The following OVCH1 variants were observed in gnomAD, a reference collection of about 807,000 sequenced individuals.
OVCH1 encodes ovochymase 1, also known as ovochymase-1.
A neutral mutation model predicts 138.4 loss-of-function variants in OVCH1; 139 were observed. That is an observed-to-expected ratio of 1.00 (90% CI 0.87 to 1.16). The LOEUF (loss-of-function observed/expected upper bound fraction) is 1.16, where lower values mean the gene tolerates loss of function less well. Among genes scored for constraint, OVCH1 ranks in the 50% most tolerant of loss-of-function variants. The pLI is 0.00. For missense variants in OVCH1, 1,367 were observed against 1,357.9 expected (o/e 1.01, Z -0.11); for synonymous variants, 453 against 467.8 (o/e 0.97, Z 0.41).
chr12:29,472,409 G>A (rs1033891882), intron 15 of OVCH1, among the ~76,000 whole-genome samples: 1 of 152,156 alleles, frequency 6.6e-6, no homozygotes, highest in Non-Finnish European at 1.5e-5. Flanking sequence ...TGTTCTCACT[G>A]TATGAATCCA....
chr12:29,453,618 A>G (rs886891863), intron 21 of OVCH1, among the ~76,000 whole-genome samples: 1 of 151,954 alleles, frequency 6.6e-6, no homozygotes, highest in Non-Finnish European at 1.5e-5. Context: ...TAATTTATCT[A>G]TCCTACCTTA....
the OVCH1 span, among the ~76,000 whole-genome samples, chr12:29,403,885 T>C: frequency 6.6e-6 from 1 of 152,188 alleles, no homozygotes; most frequent in East Asian, 1.9e-4. Context: ...AACAGTACAA[T>C]TGTATATAAT....
At chr12:29,426,776 C>T (rs1054223402), downstream of OVCH1, among the ~76,000 whole-genome samples, 3 of 152,202 alleles carry the variant, frequency 2.0e-5, no homozygotes, top group African/African-American at 7.2e-5. Flanking sequence ...TCTAAAGCAA[C>T]ATCATCTATT....
chr12:29,487,618 T>C (rs1211897371), intron 7 of OVCH1, 75 bp downstream of exon 7: 1 of 1,373,118 alleles, frequency 7.3e-7, no homozygotes, highest in African/African-American at 1.5e-5. Context: ...TAAAGCTTAG[T>C]TCTGATAATA....
chr12:29,422,892 G>A (rs73069508), downstream of OVCH1, among the ~76,000 whole-genome samples: 914 of 152,162 alleles, frequency 6.0e-3, 9 homozygotes, highest in Middle Eastern at 0.034. Context: ...TGACTTTCGT[G>A]TTTATCATTA....
intron 27 of OVCH1, among the ~76,000 whole-genome samples, chr12:29,428,041 C>T (rs902407078): frequency 6.6e-6 from 1 of 152,146 alleles, no homozygotes; most frequent in African/African-American, 2.4e-5. Flanking sequence ...GTCTGATGCT[C>T]GCAGCTGGAC....
intron 25 of OVCH1, among the ~76,000 whole-genome samples, 163 bp from the exon 26 acceptor site, chr12:29,440,907 G>C (rs527382396): frequency 1.3e-5 from 2 of 152,260 alleles, no homozygotes; most frequent in South Asian, 2.1e-4. Flanking sequence ...TTCTTAGGAA[G>C]GCAAAGGCCA....
chr12:29,476,145 C>T, intron 13 of OVCH1, 61 bp downstream of exon 13: 1 of 1,351,634 alleles, frequency 7.4e-7, no homozygotes, highest in East Asian at 2.3e-5. Flanking sequence ...GAAGCCAGCC[C>T]ATGTTGCCAC....
At chr12:29,403,764 A>G in the OVCH1 span, among the ~76,000 whole-genome samples, 1 of 152,178 alleles carries the variant, frequency 6.6e-6, no homozygotes, top group Admixed American at 6.5e-5. Context: ...TTTCCTATCT[A>G]TTTGTGCTCA....
chr12:29,477,604 T>TC, intron 9 of OVCH1, 126 bp from the exon 11 acceptor site: 1 of 1,609,710 alleles, frequency 6.2e-7, no homozygotes, highest in South Asian at 1.1e-5. Context: ...TATTTAATGG[T>TC]CCTTTGATCA....
rs150825627 is a variant in OVCH1, at chr12:29,479,794, C to T, written c.996-886G>A. Among the ~76,000 whole-genome samples the T allele has an allele frequency of 2.5e-3, 374 of 150,860 alleles. 3 individuals carry two copies. Among genetic ancestry groups the T allele is most frequent in the African/African-American group, 8.5e-3 (352 of 41,216 alleles). ...AAACACTAATAATTTTTTTTTTAAC[C>T]GGACATCTTAATTGGCAACTCTTTT... On this transcript the variant is annotated intron_variant, in intron 8 of 27. Coordinates refer to ENST00000318184, the Ensembl canonical transcript of OVCH1.
In OVCH1 at chr12:29,491,072, A is replaced by G. The variant is rs779856651; in HGVS notation, c.550+25T>C. On this transcript the variant is annotated intron_variant, in intron 5 of 27. Transcript: ENST00000318184. The stretch of plus-strand genomic sequence containing the variant: ...GGACATACAGAGAGCTGGAAGAAGT[A>G]TTAAGTCATTTTGGTGTCTCTTACT... 4 of 1,576,486 alleles carry G rather than the reference A, an allele frequency of 2.5e-6. No individual in the cohort carries two copies. The African/African-American group carries it at 4.1e-5, about 16-fold the overall frequency.
chr12:29,458,504 T>C (rs1297101697), intron 19 of OVCH1, among the ~76,000 whole-genome samples: 1 of 152,140 alleles, frequency 6.6e-6, no homozygotes, highest in Non-Finnish European at 1.5e-5. Context: ...TCAAAATGGA[T>C]TAAAGACTCA....
chr12:29,449,069 C>T (rs1484311235), intron 22 of OVCH1, among the ~76,000 whole-genome samples: 1 of 152,130 alleles, frequency 6.6e-6, no homozygotes, highest in Non-Finnish European at 1.5e-5. Context: ...AAAATGAGGG[C>T]TGGCATGTTT....
intron 3 of OVCH1, among the ~76,000 whole-genome samples, chr12:29,419,379 C>T (rs960399975): frequency 1.3e-4 from 19 of 151,858 alleles, no homozygotes; most frequent in African/African-American, 4.4e-4. Context: ...GCTCCGCCTC[C>T]CAGGTTCATG....
intron 26 of OVCH1, chr12:29,439,227 CAA>C: frequency 8.6e-7 from 1 of 1,165,210 alleles, no homozygotes; most frequent in Non-Finnish European, 1.1e-6. Context: ...TTTAGAAGCT[CAA>C]AGTCCTTTTC....
exon 16 of OVCH1, chr12:29,471,906 G>T: frequency 3.1e-6 from 5 of 1,613,560 alleles, no homozygotes; most frequent in Non-Finnish European, 4.2e-6. Context: ...ATGGCCAACA[G>T]TGGGGGCAGG....
chr12:29,466,964 T>C (rs1038223015), intron 16 of OVCH1, among the ~76,000 whole-genome samples: 1 of 152,210 alleles, frequency 6.6e-6, no homozygotes, highest in East Asian at 1.9e-4. Flanking sequence ...TCTTAATGCA[T>C]GTAGGCATTT....
At chr12:29,430,858 A>G (rs1384228052) in intron 27 of OVCH1, 6 of 516,050 alleles carry the variant, frequency 1.2e-5, no homozygotes, top group South Asian at 2.8e-5. Context: ...AATTGTTACA[A>G]AGTTCAGTTG....
Sources: allele counts gnomAD v4.1 joint callset (sites outside exome capture counted in the v4.1 genomes callset), GRCh38; gene constraint gnomAD v4.1.1; transcripts MANE v1.5; gene names NCBI Gene and HGNC (gene_info 2026-07-23, HGNC 2026-07-21).